NOL4: variants seen among roughly 807,000 people sequenced by gnomAD.
NOL4 encodes the protein cancer/testis antigen 125.
NOL4 carries 17 observed loss-of-function variants against 75.9 expected under a neutral mutation model. The observed-to-expected ratio is 0.22, with a 90% CI of 0.15 to 0.34. The LOEUF (loss-of-function observed/expected upper bound fraction) is 0.34, where lower values mean the gene tolerates loss of function less well. NOL4 is among the 10% of genes least tolerant of loss of function. NOL4 has a pLI of 1.00. For synonymous variants in NOL4, 292 were observed against 289.9 expected, an observed-to-expected ratio of 1.01 and a Z score of -0.07; for missense variants, 614 against 793.5, an observed-to-expected ratio of 0.77 and a Z score of 2.72.
At chr18:33,878,827 T>G (rs969195077) in intron 10 of NOL4, among the ~76,000 whole-genome samples, 1 of 152,130 alleles carries the variant, frequency 6.6e-6, no homozygotes, top group African/African-American at 2.4e-5. Flanking sequence ...TGTTTAAATG[T>G]ACTGATTTTA....
chr18:34,070,820 C>T (rs2077482533), intron 5 of NOL4, among the ~76,000 whole-genome samples: 1 of 152,072 alleles, frequency 6.6e-6, no homozygotes, highest in African/African-American at 2.4e-5. Context: ...CTTTATGCTT[C>T]TTACTCTTTG....
intron 1 of NOL4, among the ~76,000 whole-genome samples, chr18:34,147,203 C>T (rs189564084): frequency 6.6e-6 from 1 of 151,902 alleles, no homozygotes; most frequent in African/African-American, 2.4e-5. Flanking sequence ...ATTTGAATAC[C>T]CTTTATTTAT....
At chr18:34,219,142 GAT>G (rs1373080972) in intron 1 of NOL4, among the ~76,000 whole-genome samples, 2 of 152,152 alleles carry the variant, frequency 1.3e-5, no homozygotes, top group Admixed American at 1.3e-4. Flanking sequence ...CACAACTAAA[GAT>G]AATGCATTTT....
At chr18:33,966,341 T>C (rs529925902) in intron 6 of NOL4, among the ~76,000 whole-genome samples, 12 of 152,216 alleles carry the variant, frequency 7.9e-5, no homozygotes, top group African/African-American at 2.9e-4. Context: ...GCAAAAATCA[T>C]ACTGACTAGG....
At chr18:34,195,602 G>C (rs1443608218) in intron 1 of NOL4, among the ~76,000 whole-genome samples, 1 of 151,296 alleles carries the variant, frequency 6.6e-6, no homozygotes, top group African/African-American at 2.4e-5. Flanking sequence ...TAAGTTTCAA[G>C]GTTTGTAATG....
At position 34,196,295 on chromosome 18, in the gene NOL4, G is replaced by A. The variant is rs188240821; in HGVS notation, c.264+26695C>T. On this transcript the variant is annotated intron_variant, in intron 1 of 10. Transcript: ENST00000261592. ...TAAGGACAGTCAACTAGCTTACAAA[G>A]ATTCTATCATCTTGTTTTACTCAAA... Among the ~76,000 whole-genome samples the A allele has an allele frequency of 2.3e-3, 351 of 152,138 alleles. 2 individuals carry two copies. Among genetic ancestry groups the A allele is most frequent in the Non-Finnish European group, 3.3e-3 (226 of 67,956 alleles).
Position 33,970,619 on chromosome 18 carries a change from T to A in NOL4, c.1057-12201A>T, listed in dbSNP as rs139389502. Among the ~76,000 whole-genome samples, 10 of 152,254 alleles carry A rather than the reference T, an allele frequency of 6.6e-5. No individual in the cohort carries two copies. In the East Asian group the frequency reaches 1.9e-3, roughly 29 times the overall value. ...AGTTTTAAACTGTAGGATCACATTATTCTCATAACTTATACAGATCACATT... is the reference window on the plus strand; with the variant it reads ...AGTTTTAAACTGTAGGATCACATTAATCTCATAACTTATACAGATCACATT... On this transcript the variant is annotated intron_variant, in intron 6 of 10. Transcript: ENST00000261592.
intron 5 of NOL4, among the ~76,000 whole-genome samples, chr18:34,025,207 T>C (rs1041329607): frequency 3.3e-5 from 5 of 152,170 alleles, no homozygotes; most frequent in Non-Finnish European, 5.9e-5. Flanking sequence ...AATGGTCCCA[T>C]TTTTTAAAAA....
chr18:34,141,197 T>A (rs1454645062), intron 1 of NOL4, among the ~76,000 whole-genome samples: 9 of 152,120 alleles, frequency 5.9e-5, no homozygotes, highest in Non-Finnish European at 1.2e-4. Context: ...CACAAACAAA[T>A]GGAAGAACAT....
At chr18:33,970,725 T>TTGTGTG (rs34125584) in intron 6 of NOL4, among the ~76,000 whole-genome samples, 1,770 of 147,012 alleles carry the variant, frequency 0.012, 26 homozygotes, top group African/African-American at 0.041. Context: ...TTCAAGCTAT[T>TTGTGTG]TGTGTGTGTG....
chr18:34,166,521 A>G (rs1243305150), intron 1 of NOL4, among the ~76,000 whole-genome samples: 2 of 152,134 alleles, frequency 1.3e-5, no homozygotes, highest in Admixed American at 1.3e-4. Flanking sequence ...TCAAAGATCT[A>G]TCATTTGAAC....
chr18:34,165,303 TC>T (rs1177726861), intron 1 of NOL4, among the ~76,000 whole-genome samples: 14 of 152,126 alleles, frequency 9.2e-5, no homozygotes, highest in Non-Finnish European at 1.6e-4. Flanking sequence ...TCAGTTTACA[TC>T]CTTAGTATCT....
chr18:34,130,050 C>T lies in NOL4; in HGVS notation c.265-30G>A, dbSNP rs775516783. The T allele has an allele frequency of 2.0e-6, 3 of 1,488,182 alleles. No homozygotes were observed. In the African/African-American group the frequency reaches 4.3e-5, roughly 21 times the overall value. The allele number at this position is 1,488,182 out of a possible 1,614,324, so 92.2% of individuals were successfully genotyped here. A position where few individuals can be genotyped will look rare whatever the true frequency, so the allele number is the denominator to read the frequency against. ...AAACAAAACAACAACAACAAAAACC[C>T]ATAAGATTAATAAACTAATTTGCAT... On this transcript the variant is annotated intron_variant, in intron 1 of 10. Coordinates refer to ENST00000261592, the MANE Select transcript of NOL4 (RefSeq NM_003787.5).
intron 10 of NOL4, among the ~76,000 whole-genome samples, chr18:33,874,003 C>T (rs191002763): frequency 5.3e-5 from 8 of 151,728 alleles, no homozygotes; most frequent in South Asian, 4.2e-4. Context: ...ATAGTATGCA[C>T]GGGGATGAAG....
At chr18:33,997,509 G>C (rs62097811) in intron 6 of NOL4, among the ~76,000 whole-genome samples, 151,732 of 151,736 alleles carry the variant, frequency 1, 75,864 homozygotes, top group Middle Eastern at 1. Flanking sequence ...TAATGTGATC[G>C]TCTGGCTTTG....
At chr18:34,081,291 A>G (rs2077999647) in intron 5 of NOL4, among the ~76,000 whole-genome samples, 1 of 152,172 alleles carries the variant, frequency 6.6e-6, no homozygotes, top group African/African-American at 2.4e-5. Flanking sequence ...TTTTATTTTG[A>G]AAAGTTTGCT....
At chr18:34,071,904 A>C (rs2077535343) in intron 5 of NOL4, among the ~76,000 whole-genome samples, 1 of 152,180 alleles carries the variant, frequency 6.6e-6, no homozygotes, top group Non-Finnish European at 1.5e-5. Context: ...TAACCTACAG[A>C]GCTATATCTT....
chr18:34,205,338 G>A (rs1040108023), intron 1 of NOL4, among the ~76,000 whole-genome samples: 55 of 152,098 alleles, frequency 3.6e-4, no homozygotes, highest in African/African-American at 1.2e-3. Context: ...ATGAGTTCCC[G>A]AGAAGTAGCT....
chr18:34,024,181 G>GAAAAAAA (rs200128545), intron 5 of NOL4, among the ~76,000 whole-genome samples: 11 of 86,944 alleles, frequency 1.3e-4, no homozygotes, highest in South Asian at 3.0e-4. Flanking sequence ...AAATAAACAG[G>GAAAAAAA]AAAAAAAAAA....
Sources: gnomAD v4.1 joint callset for allele counts (sites outside exome capture counted in the v4.1 genomes callset) on GRCh38, gnomAD v4.1.1 for gene constraint, MANE v1.5 for transcripts, NCBI Gene and HGNC (gene_info 2026-07-23, HGNC 2026-07-21) for gene names.